The following ABCF2 variants were observed in gnomAD, a reference collection of about 807,000 sequenced individuals.
The protein encoded by ABCF2 is ATP-binding cassette sub-family F member 2.
In ABCF2, 37 loss-of-function variants were observed where a neutral mutation model predicts 76.9. The observed-to-expected ratio is 0.48, with a 90% CI of 0.37 to 0.63. ABCF2 has a LOEUF of 0.63. ABCF2 is among the 30% of genes least tolerant of loss of function. The pLI is 0.00. For synonymous variants in ABCF2, 299 were observed against 283.7 expected (o/e 1.05, Z -0.54); for missense variants, 524 against 782.1 (o/e 0.67, Z 3.94).
At chr7:151,217,125 T>C (rs1037819700) in intron 11 of ABCF2, among the ~76,000 whole-genome samples, 1 of 152,200 alleles carries the variant, frequency 6.6e-6, no homozygotes, top group African/African-American at 2.4e-5. Flanking sequence ...ATTCATTCTA[T>C]CATTTTCCAA....
Position 151,214,766 on chromosome 7 carries a change from A to G in ABCF2, c.1734+113T>C. On this transcript the variant is annotated intron_variant, in intron 14 of 14. Coordinates refer to ENST00000287844, the MANE Select transcript of ABCF2 (RefSeq NM_007189.3). The surrounding 1 kb of genome is among the most constrained non-coding windows in gnomAD (Gnocchi z 4.9). The stretch of plus-strand genomic sequence containing the variant: ...CCTCACCACCTGTGTCTACACTCTG[A>G]GCCCCTTCTCTTAATTCAGTAGGCG... 2.0e-6 allele frequency: 2 copies of G among 1,012,834 alleles called. No individual in the cohort carries two copies. The highest frequency in any genetic ancestry group is 3.0e-6 in the Non-Finnish European group (2 of 669,340). The allele number at this position is 1,012,834 out of a possible 1,614,324, so 62.7% of individuals were successfully genotyped here. A position where few individuals can be genotyped will look rare whatever the true frequency, so the allele number is the denominator to read the frequency against.
rs1463631426 is a variant in ABCF2 at position 151,221,650 on chromosome 7, A to G, written c.849T>C (p.His283=). Residue 283 remains histidine (H), a synonymous_variant, in exon 7 of 15, where the codon CAT becomes CAC. Transcript: ENST00000287844. The stretch of plus-strand genomic sequence containing the variant: ...AGACACCATTCAGAAAATCCTGGGA[A>G]TGGGAGACGAGGACCAAGATGCGCT... ...TFKRILVLVS[H]SQDFLNGVCT... The G allele has an allele frequency of 6.2e-7, 1 of 1,612,352 alleles. No individual in the cohort carries two copies. The highest frequency in any genetic ancestry group is 2.2e-5 in the East Asian group (1 of 44,886).
At chr7:151,223,162 A>G (rs1162880913) in intron 5 of ABCF2, among the ~76,000 whole-genome samples, 1 of 152,304 alleles carries the variant, frequency 6.6e-6, no homozygotes, top group African/African-American at 2.4e-5. Flanking sequence ...CTAGAGAAGT[A>G]TATCAAGTCT....
chr7:151,214,008 TGTTA>T lies in ABCF2; in HGVS notation c.*42_*45del. 6.2e-7 allele frequency: 1 copy of T among 1,607,898 alleles called. No homozygotes were observed. Among genetic ancestry groups the T allele is most frequent in the Non-Finnish European group, 8.5e-7 (1 of 1,177,650 alleles). ...CTGAGCGGCTGGTCAGGTTAGCAGC[TGTTA>T]GTTCCCAGATGGAGCTCCTGACCCG... On this transcript the variant is annotated 3_prime_UTR_variant, in exon 15 of 15. Transcript: ENST00000287844. The surrounding 1 kb of genome is among the most constrained non-coding windows in gnomAD (Gnocchi z 4.9).
chr7:151,226,659 A>C, intron 1 of ABCF2, 159 bp from the exon 2 acceptor site: 1 of 530,788 alleles, frequency 1.9e-6, no homozygotes, highest in South Asian at 2.8e-5. Context: ...GGGTATCCCA[A>C]ACCAATGCCG....
At chr7:151,218,497 C>G (rs1430678183) in intron 10 of ABCF2, 64 bp downstream of exon 10, 18 of 1,417,638 alleles carry the variant, frequency 1.3e-5, no homozygotes, top group Non-Finnish European at 9.9e-7. Context: ...ACAGGAGCAA[C>G]TCCCATGAGC....
chr7:151,214,767 G>A lies in ABCF2; in HGVS notation c.1734+112C>T. 1 of 1,023,328 alleles carries A rather than the reference G, an allele frequency of 9.8e-7. No homozygotes were observed. Among genetic ancestry groups the A allele is most frequent in the African/African-American group, 1.6e-5 (1 of 63,650 alleles). 63.4% of individuals were successfully genotyped at this position (1,023,328 alleles called of 1,614,324 possible). ...CTCACCACCTGTGTCTACACTCTGAGCCCCTTCTCTTAATTCAGTAGGCGG... is the reference window on the plus strand; with the variant it reads ...CTCACCACCTGTGTCTACACTCTGAACCCCTTCTCTTAATTCAGTAGGCGG... On this transcript the variant is annotated intron_variant, in intron 14 of 14. Coordinates refer to ENST00000287844, the MANE Select transcript of ABCF2 (RefSeq NM_007189.3). This position sits in a 1 kb window ranked among gnomAD's most constrained non-coding sequence, Gnocchi z 4.9.
At position 151,215,578 on chromosome 7, in the gene ABCF2, T is replaced by C. The variant is rs374676090; in HGVS notation, c.1530+26A>G. On this transcript the variant is annotated intron_variant, in intron 13 of 14. Transcript: ENST00000287844. This position sits in a 1 kb window ranked among gnomAD's most constrained non-coding sequence, Gnocchi z 4.6. ...GCCACAGTCTGCCAGCTATCTGGCA[T>C]CCTCACCACACCCTCCTTTACTGAC... The C allele has an allele frequency of 8.1e-6, 13 of 1,612,984 alleles. No individual in the cohort carries two copies. The highest frequency in any genetic ancestry group is 2.7e-5 in the African/African-American group (2 of 74,874).
In ABCF2 at chr7:151,215,149, C is replaced by T; in HGVS notation, c.1531-67G>A. 7.1e-7 allele frequency: 1 copy of T among 1,414,256 alleles called. No homozygotes were observed. Among genetic ancestry groups the T allele is most frequent in the South Asian group, 1.2e-5 (1 of 81,118 alleles). The allele number at this position is 1,414,256 out of a possible 1,614,324, so 87.6% of individuals were successfully genotyped here. On this transcript the variant is annotated intron_variant, in intron 13 of 14. Transcript: ENST00000287844. The surrounding 1 kb of genome is among the most constrained non-coding windows in gnomAD (Gnocchi z 4.6). ...CGCCAAACAGCACAGCTCATCTCTC[C>T]CTCATTTCTCCCTGACTCCTCCATT...
Position 151,215,713 on chromosome 7 carries a change from T to C in ABCF2, c.1421A>G (p.Asp474Gly). 1.2e-6 allele frequency: 2 copies of C among 1,614,232 alleles called. No individual in the cohort carries two copies. Among genetic ancestry groups the C allele is most frequent in the Non-Finnish European group, 1.7e-6 (2 of 1,180,048 alleles). The change falls in exon 13 of 15, where the codon GAC becomes GGC. Residue 474 changes from aspartate to glycine, a missense_variant. This residue lies in a region of ABCF2 where 194 missense variants were observed against 348.6 expected (regional missense o/e 0.56). Coordinates refer to ENST00000287844, the MANE Select transcript of ABCF2 (RefSeq NM_007189.3). The surrounding 1 kb of genome is among the most constrained non-coding windows in gnomAD (Gnocchi z 4.6). Reference sequence around the variant, plus strand: ...GTACTCCAAAGGTGAGAGATCTAAGTCCAGCTGCTCTTGTAAATGCTACAG... The same window carrying C: ...GTACTCCAAAGGTGAGAGATCTAAGCCCAGCTGCTCTTGTAAATGCTACAG... The part of the protein sequence containing the change: ...RYHQHLQEQL[D>G]LDLSPLEYMM...
chr7:151,226,228 C>G, intron 2 of ABCF2, 77 bp downstream of exon 2: 1 of 1,496,948 alleles, frequency 6.7e-7, no homozygotes, highest in Non-Finnish European at 9.1e-7. Context: ...CTACCCCCAG[C>G]ATCAAGATTC....
intron 3 of ABCF2, among the ~76,000 whole-genome samples, chr7:151,224,458 G>A (rs116762755): frequency 8.9e-4 from 136 of 152,292 alleles, no homozygotes; most frequent in African/African-American, 3.1e-3. Context: ...AACCTTTTAA[G>A]TGCTCACATG....
intron 7 of ABCF2, 140 bp from the exon 8 acceptor site, chr7:151,219,299 G>T: frequency 1.4e-6 from 1 of 730,404 alleles, no homozygotes; most frequent in Non-Finnish European, 2.5e-6. Context: ...GAGAGGACGT[G>T]CATTACAGAA....
chr7:151,219,046 A>G lies in ABCF2; in HGVS notation c.1017+18T>C, dbSNP rs1466762769. 1.2e-6 allele frequency: 2 copies of G among 1,613,148 alleles called. No individual in the cohort carries two copies. The highest frequency in any genetic ancestry group is 3.3e-5 in the Admixed American group (2 of 59,976). On this transcript the variant is annotated intron_variant, in intron 8 of 14. Coordinates refer to ENST00000287844, the MANE Select transcript of ABCF2 (RefSeq NM_007189.3). ...TTTCAGACAGGAGGCCATGAGCCTG[A>G]CTCTGCAGTCTCCCTACCTTCATGT...
rs370355313 is a variant in ABCF2 at position 151,213,614 on chromosome 7, C to T, written c.*440G>A. The T allele has an allele frequency of 4.2e-5, 42 of 994,376 alleles. No individual in the cohort carries two copies. Among genetic ancestry groups the T allele is most frequent in the Middle Eastern group, 5.1e-4 (1 of 1,978 alleles). 61.6% of individuals were successfully genotyped at this position (994,376 alleles called of 1,614,324 possible). On this transcript the variant is annotated 3_prime_UTR_variant, in exon 15 of 15. Coordinates refer to ENST00000287844, the MANE Select transcript of ABCF2 (RefSeq NM_007189.3). Reference sequence around the variant, plus strand: ...ACTGACCAGGACGAAGGTCCTGGTCCGGAGCTCCAAACCAGAAGCAAAAAG... The same window carrying T: ...ACTGACCAGGACGAAGGTCCTGGTCTGGAGCTCCAAACCAGAAGCAAAAAG...
At position 151,226,120 on chromosome 7, in the gene ABCF2, G is replaced by A. The variant is rs533363991; in HGVS notation, c.154+185C>T. 3.2e-4 allele frequency among the ~76,000 whole-genome samples: 49 copies of A among 152,292 alleles called. 1 individual carries two copies. Among genetic ancestry groups the A allele is most frequent in the Admixed American group, 6.5e-5 (1 of 15,294 alleles). The stretch of plus-strand genomic sequence containing the variant: ...TTGCCACTGAGTATGTGAGAACCTC[G>A]TCTTCGGCTTCCTTGCGCAATGACA... On this transcript the variant is annotated intron_variant, in intron 2 of 14. Transcript: ENST00000287844.
intron 5 of ABCF2, among the ~76,000 whole-genome samples, chr7:151,223,075 G>C (rs1472540226): frequency 6.6e-6 from 1 of 152,174 alleles, no homozygotes; most frequent in Non-Finnish European, 1.5e-5. Flanking sequence ...AGCTCCTTGG[G>C]TGAACCGGAG....
chr7:151,223,598 C>A, intron 5 of ABCF2, 80 bp downstream of exon 5: 1 of 1,464,464 alleles, frequency 6.8e-7, no homozygotes, highest in African/African-American at 1.4e-5. Context: ...ACTCCTGTTC[C>A]AAACAGTTCC....
rs1229274333 is a variant in ABCF2 at position 151,212,308 on chromosome 7, C to A, written c.*1746G>T. The A allele has an allele frequency of 3.0e-6, 3 of 985,258 alleles. No homozygotes were observed. The highest frequency in any genetic ancestry group is 3.5e-5 in the African/African-American group (2 of 57,204). 61.0% of individuals were successfully genotyped at this position (985,258 alleles called of 1,614,324 possible). ...AAAGACCCAGATAAGGTATGCAGAGCCCTGGGCTGGAAGTGAATTCAACAG... is the reference window on the plus strand; with the variant it reads ...AAAGACCCAGATAAGGTATGCAGAGACCTGGGCTGGAAGTGAATTCAACAG... On this transcript the variant is annotated 3_prime_UTR_variant, in exon 15 of 15. Transcript: ENST00000287844.
Sources: allele counts gnomAD v4.1 joint callset (sites outside exome capture counted in the v4.1 genomes callset), GRCh38; gene constraint gnomAD v4.1.1; regional missense constraint gnomAD v4.1.1; non-coding constraint Gnocchi (gnomAD v3.1); transcripts MANE v1.5; gene names NCBI Gene and HGNC (gene_info 2026-07-23, HGNC 2026-07-21).